Variants in NSMCE2 observed in about 807,000 individuals in gnomAD.
NSMCE2 encodes the protein NSE2 SUMO ligase component of SMC5/6 complex.
Under a neutral mutation model 23.8 loss-of-function variants are expected in NSMCE2, and 24 were observed. The observed-to-expected ratio is 1.01, with a 90% CI of 0.73 to 1.42. The LOEUF (loss-of-function observed/expected upper bound fraction) is 1.42. Ranked by LOEUF, NSMCE2 falls within the 40% of genes most tolerant of loss-of-function variation. The pLI is 0.00. For synonymous variants in NSMCE2, 92 were observed against 94.1 expected (o/e 0.98, Z 0.13); for missense variants, 284 against 296.5 (o/e 0.96, Z 0.31).
At chr8:125,207,446 T>C (rs536035073) in intron 5 of NSMCE2, among the ~76,000 whole-genome samples, 1 of 152,224 alleles carries the variant, frequency 6.6e-6, no homozygotes, top group South Asian at 2.1e-4. Context: ...ACTTTAATCA[T>C]AATTTGATTT....
At chr8:125,202,576 A>G (rs1420577958) in intron 5 of NSMCE2, among the ~76,000 whole-genome samples, 1 of 152,230 alleles carries the variant, frequency 6.6e-6, no homozygotes, top group African/African-American at 2.4e-5. Flanking sequence ...TAATAATGCT[A>G]ACTAGCCCAC....
intron 5 of NSMCE2, among the ~76,000 whole-genome samples, chr8:125,228,683 G>A (rs1450929862): frequency 2.0e-5 from 3 of 152,188 alleles, no homozygotes; most frequent in African/African-American, 7.2e-5. Flanking sequence ...AGAGAGTCTG[G>A]TGTGTTACAT....
chr8:125,280,162 C>T (rs1029572086), intron 5 of NSMCE2, among the ~76,000 whole-genome samples: 2 of 152,134 alleles, frequency 1.3e-5, no homozygotes, highest in African/African-American at 2.4e-5. Context: ...TTAAAGCTGC[C>T]TTTATTAACA....
intron 5 of NSMCE2, among the ~76,000 whole-genome samples, chr8:125,320,472 G>A (rs1829409174): frequency 6.6e-6 from 1 of 151,764 alleles, no homozygotes; most frequent in Non-Finnish European, 1.5e-5. Context: ...AGTGATAAAG[G>A]GAAAACAGCA....
chr8:125,237,495 G>A (rs907570386), intron 5 of NSMCE2, among the ~76,000 whole-genome samples: 1 of 152,172 alleles, frequency 6.6e-6, no homozygotes, highest in African/African-American at 2.4e-5. Flanking sequence ...AACCCCTGTG[G>A]CACTGGAATC....
intron 5 of NSMCE2, among the ~76,000 whole-genome samples, chr8:125,297,717 C>T (rs1043194216): frequency 1.3e-5 from 2 of 151,274 alleles, no homozygotes; most frequent in South Asian, 2.1e-4. Context: ...CGCCTGTAGT[C>T]ATAGCTAGTT....
intron 5 of NSMCE2, among the ~76,000 whole-genome samples, chr8:125,274,333 A>G (rs1251528237): frequency 6.6e-6 from 1 of 152,240 alleles, no homozygotes; most frequent in Non-Finnish European, 1.5e-5. Context: ...TTAAAATCCA[A>G]TCAATGTTCC....
intron 5 of NSMCE2, among the ~76,000 whole-genome samples, chr8:125,307,813 G>T (rs1008616826): frequency 6.6e-6 from 1 of 152,136 alleles, no homozygotes; most frequent in Non-Finnish European, 1.5e-5. Context: ...AGTTAAAAAC[G>T]ATTACTGTGG....
intron 7 of NSMCE2, among the ~76,000 whole-genome samples, chr8:125,361,374 ACT>A (rs35737173): frequency 0.031 from 4,779 of 152,260 alleles, 233 homozygotes; most frequent in African/African-American, 0.11. Context: ...GACCACAGTC[ACT>A]TTTTTGCTTT....
At chr8:125,280,307 C>CAG (rs1209761632) in intron 5 of NSMCE2, among the ~76,000 whole-genome samples, 2 of 152,212 alleles carry the variant, frequency 1.3e-5, no homozygotes, top group Non-Finnish European at 2.9e-5. Flanking sequence ...AATACATCCT[C>CAG]AGAGAGAGAT....
At chr8:125,335,891 A>G (rs1195443670) in intron 5 of NSMCE2, among the ~76,000 whole-genome samples, 1 of 152,228 alleles carries the variant, frequency 6.6e-6, no homozygotes, top group Non-Finnish European at 1.5e-5. Flanking sequence ...AAGAGACGAT[A>G]TAGTGTCATC....
rs908157578 is a variant in NSMCE2 at position 125,095,633 on chromosome 8, G to T, written c.-111+3675G>T. 2.6e-5 allele frequency among the ~76,000 whole-genome samples: 4 copies of T among 151,620 alleles called. No individual in the cohort carries two copies. The South Asian group carries it at 6.3e-4, about 24-fold the overall frequency. On this transcript the variant is annotated intron_variant, in intron 1 of 7. Coordinates refer to ENST00000287437, the MANE Select transcript of NSMCE2 (RefSeq NM_173685.4). ...ACCGAGGCCAGGGGCAGTGGCTCAC[G>T]CCTGTAATCCTAGCACTTTGGGAGG...
At chr8:125,099,358 G>A (rs1818078642) in intron 1 of NSMCE2, among the ~76,000 whole-genome samples, 1 of 152,078 alleles carries the variant, frequency 6.6e-6, no homozygotes, top group African/African-American at 2.4e-5. Context: ...AGAAGTAAGG[G>A]AATTGACCTA....
At chr8:125,350,592 G>C (rs1812991802) in intron 5 of NSMCE2, among the ~76,000 whole-genome samples, 1 of 152,192 alleles carries the variant, frequency 6.6e-6, no homozygotes, top group South Asian at 2.1e-4. Flanking sequence ...TCACAATCAT[G>C]GCAGAAGACA....
chr8:125,268,360 G>A (rs1228036486), intron 5 of NSMCE2, among the ~76,000 whole-genome samples: 2 of 152,152 alleles, frequency 1.3e-5, no homozygotes, highest in African/African-American at 4.8e-5. Flanking sequence ...TCTGTTGGTC[G>A]TTTGAAGGAG....
chr8:125,123,594 G>GCACACGCACACAAA (rs1457655819), intron 3 of NSMCE2, among the ~76,000 whole-genome samples: 1 of 152,174 alleles, frequency 6.6e-6, no homozygotes, highest in Admixed American at 6.5e-5. Context: ...GTGTACATGC[G>GCACACGCACACAAA]CACACGCACA....
In NSMCE2 at chr8:125,318,386, C is replaced by T. The variant is rs140121793; in HGVS notation, c.419-38833C>T. Among the ~76,000 whole-genome samples, 101 of 152,158 alleles carry T rather than the reference C, an allele frequency of 6.6e-4. No individual in the cohort carries two copies. In the East Asian group the frequency reaches 0.012, roughly 18 times the overall value. ...CCACTGCACTTCATTCCAGCCTGGGCGACACAGTGAGACCCTGACTCAAAA... is the reference window on the plus strand; with the variant it reads ...CCACTGCACTTCATTCCAGCCTGGGTGACACAGTGAGACCCTGACTCAAAA... On this transcript the variant is annotated intron_variant, in intron 5 of 7. Coordinates refer to ENST00000287437, the MANE Select transcript of NSMCE2 (RefSeq NM_173685.4).
intron 5 of NSMCE2, among the ~76,000 whole-genome samples, chr8:125,213,200 G>A (rs533118721): frequency 6.6e-6 from 1 of 152,212 alleles, no homozygotes; most frequent in African/African-American, 2.4e-5. Context: ...TCTCTGTTGT[G>A]AGATTTTCCC....
chr8:125,238,543 C>T lies in NSMCE2; in HGVS notation c.418+56287C>T, dbSNP rs188197902. Among the ~76,000 whole-genome samples the T allele has an allele frequency of 1.4e-3, 209 of 152,290 alleles. 1 individual carries two copies. The highest frequency in any genetic ancestry group is 9.1e-4 in the Non-Finnish European group (62 of 68,008). ...TTGAATAGTGTATCAAATAAGTGCACTGTTAGCTGGGACTTCATTAAACAG... is the reference window on the plus strand; with the variant it reads ...TTGAATAGTGTATCAAATAAGTGCATTGTTAGCTGGGACTTCATTAAACAG... On this transcript the variant is annotated intron_variant, in intron 5 of 7. Transcript: ENST00000287437.
Sources: allele counts gnomAD v4.1 joint callset (sites outside exome capture counted in the v4.1 genomes callset), GRCh38; gene constraint gnomAD v4.1.1; transcripts MANE v1.5; gene names NCBI Gene and HGNC (gene_info 2026-07-23, HGNC 2026-07-21).